Variants in KALRN observed in about 807,000 individuals in gnomAD.
The protein encoded by KALRN is kalirin RhoGEF kinase, also known as kalirin.
Under a neutral mutation model 353.7 loss-of-function variants are expected in KALRN, and 70 were observed. The ratio of observed to expected loss-of-function variants is 0.20; its 90% CI spans 0.16 to 0.24. KALRN has a LOEUF of 0.24. KALRN is among the 10% of genes least tolerant of loss of function. The probability of loss-of-function intolerance (pLI) is 1.00; values close to 1 mark genes in which losing one functional copy is unlikely to be tolerated. For missense variants in KALRN, 2,791 were observed against 3,756.7 expected, an observed-to-expected ratio of 0.74 and a Z score of 6.72; for synonymous variants, 1,391 against 1,434.8, an observed-to-expected ratio of 0.97 and a Z score of 0.69.
At chr3:124,223,731 C>A (rs1385578141) in intron 1 of KALRN, among the ~76,000 whole-genome samples, 1 of 152,154 alleles carries the variant, frequency 6.6e-6, no homozygotes, top group Non-Finnish European at 1.5e-5. Context: ...TACTCTAGAC[C>A]CACAAAACCA....
intron 5 of KALRN, among the ~76,000 whole-genome samples, chr3:124,293,382 C>T (rs371817871): frequency 2.8e-4 from 43 of 152,154 alleles, no homozygotes; most frequent in East Asian, 1.3e-3. Context: ...GGAAAATAAA[C>T]ATAAGATTCT....
chr3:124,234,816 C>G lies in KALRN; in HGVS notation c.149-13C>G, dbSNP rs1247160336. On this transcript the variant is annotated splice_polypyrimidine_tract_variant and intron_variant, in intron 2 of 59. Coordinates refer to ENST00000682506, the MANE Select transcript of KALRN (RefSeq NM_001388419.1). ...GGTTTTCTTAAACACTCTTCTCTTC[C>G]TCCTTCTTGCAGGGGGTCGTGATAA... 1 of 1,572,126 alleles carries G rather than the reference C, an allele frequency of 6.4e-7. No homozygotes were observed. Among genetic ancestry groups the G allele is most frequent in the South Asian group, 1.2e-5 (1 of 86,098 alleles).
intron 4 of KALRN, among the ~76,000 whole-genome samples, chr3:124,268,126 C>T (rs1560411947): frequency 6.6e-6 from 1 of 152,206 alleles, no homozygotes; most frequent in Non-Finnish European, 1.5e-5. Flanking sequence ...CACTTTCCTT[C>T]CTGGAGACAA....
At chr3:124,391,525 G>A (rs1306302131) in intron 11 of KALRN, among the ~76,000 whole-genome samples, 1 of 152,174 alleles carries the variant, frequency 6.6e-6, no homozygotes, top group Non-Finnish European at 1.5e-5. Flanking sequence ...TGAAGTAGTA[G>A]CAGAAGTGTC....
At chr3:124,268,515 G>C (rs529968527) in intron 4 of KALRN, 102 of 559,534 alleles carry the variant, frequency 1.8e-4, no homozygotes, top group Non-Finnish European at 3.1e-4. Context: ...GTGGTAAATG[G>C]CTGGCAGTTG....
intron 6 of KALRN, among the ~76,000 whole-genome samples, chr3:124,303,369 A>G (rs1209585762): frequency 1.3e-5 from 2 of 152,186 alleles, no homozygotes; most frequent in African/African-American, 4.8e-5. Context: ...AGTGCCTCAG[A>G]CAACCAGCTT....
chr3:124,343,725 C>T (rs913430552), intron 9 of KALRN, among the ~76,000 whole-genome samples: 4 of 152,196 alleles, frequency 2.6e-5, no homozygotes, highest in Admixed American at 2.6e-4. Context: ...CCGTGACTCC[C>T]CAGAGAAGAT....
At chr3:124,363,796 A>C (rs2084328005) in intron 10 of KALRN, among the ~76,000 whole-genome samples, 1 of 152,240 alleles carries the variant, frequency 6.6e-6, no homozygotes, top group South Asian at 2.1e-4. Flanking sequence ...CACATTCTAA[A>C]GCTAAAGCTA....
intron 34 of KALRN, chr3:124,584,685 G>T: frequency 7.0e-7 from 1 of 1,432,712 alleles, no homozygotes; most frequent in Non-Finnish European, 9.1e-7. Flanking sequence ...CAGAGCTGCG[G>T]CCGCGGTGCG....
chr3:124,455,739 A>G (rs889039633), intron 22 of KALRN, among the ~76,000 whole-genome samples: 1 of 152,216 alleles, frequency 6.6e-6, no homozygotes, highest in Non-Finnish European at 1.5e-5. Context: ...AGTCCCCAGT[A>G]TATATAATAG....
chr3:124,676,564 T>C (rs1208084092), intron 49 of KALRN, among the ~76,000 whole-genome samples: 1 of 152,194 alleles, frequency 6.6e-6, no homozygotes, highest in East Asian at 1.9e-4. Context: ...CTACTCTCAG[T>C]CTTCCTTCTG....
chr3:124,692,698 G>A (rs73195581), intron 51 of KALRN, among the ~76,000 whole-genome samples: 3,322 of 152,330 alleles, frequency 0.022, 66 homozygotes, highest in East Asian at 0.079. Flanking sequence ...CGGGCATTGT[G>A]CTAAGCACTT....
At chr3:124,519,193 G>A (rs1045644153) in intron 33 of KALRN, 29 of 982,800 alleles carry the variant, frequency 3.0e-5, no homozygotes, top group Middle Eastern at 5.2e-4. Context: ...TGTTGAGGGT[G>A]GGTGGGAAGA....
At chr3:124,338,814 T>C (rs1481130993) in intron 9 of KALRN, among the ~76,000 whole-genome samples, 2 of 152,118 alleles carry the variant, frequency 1.3e-5, no homozygotes, top group Non-Finnish European at 2.9e-5. Context: ...ATCTGGGTGC[T>C]CCTGTATTGG....
intron 1 of KALRN, among the ~76,000 whole-genome samples, chr3:124,182,698 A>G (rs2073766801): frequency 1.3e-5 from 2 of 152,254 alleles, no homozygotes; most frequent in African/African-American, 2.4e-5. Flanking sequence ...AGTATTAACC[A>G]AGAAAAAGAC....
At chr3:124,613,220 C>T (rs1239435138) in intron 34 of KALRN, among the ~76,000 whole-genome samples, 1 of 152,070 alleles carries the variant, frequency 6.6e-6, no homozygotes, top group African/African-American at 2.4e-5. Context: ...ATATGTCTTA[C>T]ACTCCCCAGC....
chr3:124,176,365 G>T (rs765326777), intron 1 of KALRN, among the ~76,000 whole-genome samples: 26 of 152,164 alleles, frequency 1.7e-4, no homozygotes, highest in Admixed American at 5.9e-4. Flanking sequence ...TACCCACATG[G>T]TGATACGTTT....
intron 46 of KALRN, 123 bp downstream of exon 46, chr3:124,666,757 A>G: frequency 1.2e-6 from 1 of 834,312 alleles, no homozygotes; most frequent in Non-Finnish European, 1.9e-6. Flanking sequence ...GCCGAATAAC[A>G]TTCGGTCATG....
intron 1 of KALRN, among the ~76,000 whole-genome samples, chr3:124,157,737 C>G (rs1045439459): frequency 1.2e-4 from 19 of 152,216 alleles, no homozygotes; most frequent in African/African-American, 4.6e-4. Flanking sequence ...TCCTTGTGGA[C>G]TGCTGTCCTG....
Sources: gnomAD v4.1 joint callset for allele counts (sites outside exome capture counted in the v4.1 genomes callset) on GRCh38, gnomAD v4.1.1 for gene constraint, MANE v1.5 for transcripts, NCBI Gene and HGNC (gene_info 2026-07-23, HGNC 2026-07-21) for gene names.